Variants in KCNH1 observed in about 807,000 individuals in gnomAD.
KCNH1 encodes potassium voltage-gated channel subfamily H member 1.
A neutral mutation model predicts 69.2 loss-of-function variants in KCNH1; 27 were observed. That is an observed-to-expected ratio of 0.39 (90% CI 0.29 to 0.54). The LOEUF (loss-of-function observed/expected upper bound fraction) is 0.54, where lower values mean the gene tolerates loss of function less well. KCNH1 is among the 20% of genes least tolerant of loss of function. The pLI is 0.68. For synonymous variants in KCNH1, 456 were observed against 487.7 expected (o/e 0.93, Z 0.86); for missense variants, 798 against 1,261.6 (o/e 0.63, Z 5.57).
chr1:211,126,402 C>G (rs1259472112), intron 1 of KCNH1, among the ~76,000 whole-genome samples: 3 of 151,526 alleles, frequency 2.0e-5, no homozygotes, highest in Admixed American at 6.6e-5. Flanking sequence ...CCCAGCTACT[C>G]GGGAGGCTGA....
chr1:211,045,041 G>GATATATAGATATATATATATATATATAT (rs1164564038), intron 5 of KCNH1, among the ~76,000 whole-genome samples: 1,178 of 81,638 alleles, frequency 0.014, 58 homozygotes, highest in Middle Eastern at 0.02. Flanking sequence ...AATTGTGGGG[G>GATATATAGATATATATATATATATATAT]ATATATATAT....
At chr1:210,911,588 GAT>G (rs1687231559) in intron 7 of KCNH1, among the ~76,000 whole-genome samples, 1 of 126,964 alleles carries the variant, frequency 7.9e-6, no homozygotes, top group Non-Finnish European at 1.7e-5. Context: ...TGCCACATCA[GAT>G]ATATATTTCT....
At chr1:210,895,941 G>A (rs116393974) in intron 7 of KCNH1, among the ~76,000 whole-genome samples, 199 of 152,170 alleles carry the variant, frequency 1.3e-3, no homozygotes, top group Middle Eastern at 3.4e-3. Flanking sequence ...GCAATCCTAC[G>A]GTAATATTGC....
At chr1:211,107,465 T>G (rs193246444) in intron 1 of KCNH1, 88 bp from the exon 2 acceptor site, 1 of 1,317,738 alleles carries the variant, frequency 7.6e-7, no homozygotes, top group Non-Finnish European at 1.1e-6. Context: ...TGTCAAGCAA[T>G]CCAGATATTT....
At chr1:210,978,904 G>T (rs976977235) in intron 6 of KCNH1, among the ~76,000 whole-genome samples, 1 of 152,122 alleles carries the variant, frequency 6.6e-6, no homozygotes, top group East Asian at 1.9e-4. Context: ...ATGCTGTTGG[G>T]CCCTTTAGTG....
chr1:210,723,480 C>T (rs1246012715), intron 10 of KCNH1, among the ~76,000 whole-genome samples: 1 of 152,094 alleles, frequency 6.6e-6, no homozygotes, highest in Non-Finnish European at 1.5e-5. Flanking sequence ...AGGAAACTCT[C>T]CCCAAAGAAA....
chr1:210,761,612 T>C (rs569008389), intron 10 of KCNH1, among the ~76,000 whole-genome samples: 1 of 152,214 alleles, frequency 6.6e-6, no homozygotes, highest in South Asian at 2.1e-4. Context: ...TCACATAAAA[T>C]AGGCTTCAAA....
At chr1:211,096,487 A>G (rs1470732944) in intron 3 of KCNH1, among the ~76,000 whole-genome samples, 1 of 152,220 alleles carries the variant, frequency 6.6e-6, no homozygotes, top group East Asian at 1.9e-4. Flanking sequence ...AAACTGTTTA[A>G]CAAAACCCTG....
chr1:210,851,653 T>C (rs1490750811), intron 7 of KCNH1, among the ~76,000 whole-genome samples: 1 of 152,242 alleles, frequency 6.6e-6, no homozygotes. Flanking sequence ...CATATGAACC[T>C]AGATGGGATA....
In KCNH1 at chr1:210,834,633, A is replaced by C. The variant is rs955331386; in HGVS notation, c.1463-30467T>G. Reference sequence around the variant, plus strand: ...GCACCAGCATGTCACATGTATACATATGTAACTAACCTGCACATTGTGCAC... The same window carrying C: ...GCACCAGCATGTCACATGTATACATCTGTAACTAACCTGCACATTGTGCAC... On this transcript the variant is annotated intron_variant, in intron 7 of 10. Coordinates refer to ENST00000271751, the MANE Select transcript of KCNH1 (RefSeq NM_172362.3). Among the ~76,000 whole-genome samples the C allele has an allele frequency of 3.2e-4, 48 of 150,732 alleles. 1 individual carries two copies. The highest frequency in any genetic ancestry group is 9.3e-4 in the Admixed American group (14 of 15,116).
intron 7 of KCNH1, among the ~76,000 whole-genome samples, chr1:210,897,533 T>C (rs1465418583): frequency 6.6e-6 from 1 of 152,188 alleles, no homozygotes; most frequent in East Asian, 1.9e-4. Flanking sequence ...TGCCCTCTGT[T>C]CCACAGCAGC....
intron 5 of KCNH1, among the ~76,000 whole-genome samples, chr1:211,021,326 T>TA (rs1254133531): frequency 6.6e-6 from 1 of 151,756 alleles, no homozygotes; most frequent in Non-Finnish European, 1.5e-5. Context: ...AAATTAAAAA[T>TA]AAAAAAGACC....
intron 6 of KCNH1, among the ~76,000 whole-genome samples, chr1:210,946,729 C>T (rs960903674): frequency 6.6e-6 from 1 of 152,198 alleles, no homozygotes; most frequent in African/African-American, 2.4e-5. Flanking sequence ...TTCTCACACA[C>T]CCGCACTCCA....
chr1:211,068,574 T>G (rs1690577039), intron 5 of KCNH1, among the ~76,000 whole-genome samples: 1 of 152,162 alleles, frequency 6.6e-6, no homozygotes, highest in Non-Finnish European at 1.5e-5. Flanking sequence ...TTTTGTATTT[T>G]TAGTAGAGAC....
intron 10 of KCNH1, among the ~76,000 whole-genome samples, chr1:210,704,583 C>G (rs189013106): frequency 6.4e-4 from 97 of 152,270 alleles, no homozygotes; most frequent in Admixed American, 1.0e-3. Flanking sequence ...CACACATTAT[C>G]TCATTTGGGA....
intron 1 of KCNH1, among the ~76,000 whole-genome samples, chr1:211,117,093 T>C (rs1691596150): frequency 6.6e-6 from 1 of 152,188 alleles, no homozygotes; most frequent in Non-Finnish European, 1.5e-5. Context: ...TGAGACCCTT[T>C]ATGAATACCT....
In KCNH1 at chr1:210,891,806, A is replaced by T. The variant is rs145414492; in HGVS notation, c.1462+27834T>A. Among the ~76,000 whole-genome samples, 1,264 of 152,300 alleles carry T rather than the reference A, an allele frequency of 8.3e-3. 9 individuals carry two copies. Among genetic ancestry groups the T allele is most frequent in the Middle Eastern group, 0.031 (9 of 294 alleles). On this transcript the variant is annotated intron_variant, in intron 7 of 10. Transcript: ENST00000271751. ...ACTATTCACAATAGCAAGACTTGGA[A>T]CCAACCCAAATGCCTATCAGTGATA...
chr1:210,806,836 A>AAAAAAAAATATATATATAT (rs1553346591), intron 7 of KCNH1, among the ~76,000 whole-genome samples: 1 of 85,688 alleles, frequency 1.2e-5, no homozygotes, highest in African/African-American at 5.1e-5. Flanking sequence ...AAAAAAAAAA[A>AAAAAAAAATATATATATAT]ATATATATAT....
intron 10 of KCNH1, among the ~76,000 whole-genome samples, chr1:210,771,769 C>A (rs1683758872): frequency 6.6e-6 from 1 of 152,216 alleles, no homozygotes. Context: ...GAAAAGGAAG[C>A]TTTTATAGCT....
Sources: gnomAD v4.1 joint callset for allele counts (sites outside exome capture counted in the v4.1 genomes callset) on GRCh38, gnomAD v4.1.1 for gene constraint, MANE v1.5 for transcripts, NCBI Gene and HGNC (gene_info 2026-07-23, HGNC 2026-07-21) for gene names.